The following DHCR24 variants were observed in gnomAD, a reference collection of about 807,000 sequenced individuals.
DHCR24 encodes the protein 24-dehydrocholesterol reductase, also known as delta(24)-sterol reductase.
A neutral mutation model predicts 61.2 loss-of-function variants in DHCR24; 28 were observed. That is an observed-to-expected ratio of 0.46 (90% CI 0.34 to 0.63). The LOEUF is 0.63. DHCR24 is among the 20% of genes least tolerant of loss of function. The pLI is 0.01. For synonymous variants in DHCR24, 261 were observed against 275.9 expected, an observed-to-expected ratio of 0.95 and a Z score of 0.54; for missense variants, 538 against 679.1, an observed-to-expected ratio of 0.79 and a Z score of 2.31.
intron 2 of DHCR24, among the ~76,000 whole-genome samples, chr1:54,881,602 C>G (rs941617648): frequency 1.3e-5 from 2 of 152,136 alleles, no homozygotes; most frequent in African/African-American, 4.8e-5. Context: ...GACCAAAAAA[C>G]AGAAGCAGCA....
At position 54,876,064 on chromosome 1, in the gene DHCR24, A is replaced by G. The variant is rs531392606; in HGVS notation, c.388-17T>C. The G allele has an allele frequency of 6.8e-6, 11 of 1,607,548 alleles. No homozygotes were observed. In the Admixed American group the frequency reaches 8.3e-5, roughly 12 times the overall value. ...ACGGACAATCTGTTGACACAAGAAAAGAGACCCTGGGTCAAAAGGAGGCTG... is the reference window on the plus strand; with the variant it reads ...ACGGACAATCTGTTGACACAAGAAAGGAGACCCTGGGTCAAAAGGAGGCTG... On this transcript the variant is annotated splice_polypyrimidine_tract_variant and intron_variant, in intron 2 of 8. Coordinates refer to ENST00000371269, the MANE Select transcript of DHCR24 (RefSeq NM_014762.4).
rs185736910 is a variant in DHCR24, at chr1:54,867,249, C to T, written c.877-1803G>A. Among the ~76,000 whole-genome samples the T allele has an allele frequency of 1.2e-4, 19 of 152,294 alleles. No individual in the cohort carries two copies. In the East Asian group the frequency reaches 2.7e-3, roughly 22 times the overall value. ...TCACAGGATTGCAGCAATGTTTACACGGGGCAGTGCCTGCAGAGGGCCCAT... is the reference window on the plus strand; with the variant it reads ...TCACAGGATTGCAGCAATGTTTACATGGGGCAGTGCCTGCAGAGGGCCCAT... On this transcript the variant is annotated intron_variant, in intron 5 of 8. Transcript: ENST00000371269.
chr1:54,875,231 A>G lies in DHCR24; in HGVS notation c.494-20T>C. The G allele has an allele frequency of 1.2e-6, 2 of 1,608,306 alleles. No individual in the cohort carries two copies. The highest frequency in any genetic ancestry group is 2.2e-5 in the East Asian group (1 of 44,844). ...AGCCCCCTGCAGAGACATCACACAC[A>G]GTGTCAGCAGGGAGAGCTGTGGGTA... On this transcript the variant is annotated intron_variant, in intron 3 of 8. Transcript: ENST00000371269.
intron 2 of DHCR24, among the ~76,000 whole-genome samples, chr1:54,879,315 T>C (rs1362313400): frequency 4.1e-5 from 3 of 73,676 alleles, no homozygotes; most frequent in East Asian, 4.1e-4. Flanking sequence ...AGAGCAAGAC[T>C]CCATCTGAAA....
rs566632947 is a variant in DHCR24 at position 54,865,510 on chromosome 1, C to T, written c.877-64G>A. 5.3e-5 allele frequency: 85 copies of T among 1,605,336 alleles called. 1 individual carries two copies. The African/African-American group carries it at 9.1e-4, about 17-fold the overall frequency. Reference sequence around the variant, plus strand: ...AGCGCCCAGCACCATCGGGGTGTAACAGCGACACCCGGCTTCTGTTCAGCA... The same window carrying T: ...AGCGCCCAGCACCATCGGGGTGTAATAGCGACACCCGGCTTCTGTTCAGCA... On this transcript the variant is annotated intron_variant, in intron 5 of 8. Coordinates refer to ENST00000371269, the MANE Select transcript of DHCR24 (RefSeq NM_014762.4).
rs77645556 is a variant in DHCR24, at chr1:54,863,791, A to C, written c.1020+1512T>G. ...CTACAGAATTGGAGAAAATGTTTGC[A>C]GATCATATATCTGATGAGGGTCTAG... On this transcript the variant is annotated intron_variant, in intron 6 of 8. Transcript: ENST00000371269. Among the ~76,000 whole-genome samples the C allele has an allele frequency of 1.9e-3, 294 of 152,366 alleles. 1 individual carries two copies. Among genetic ancestry groups the C allele is most frequent in the African/African-American group, 6.8e-3 (283 of 41,592 alleles).
In DHCR24 at chr1:54,871,330, C is replaced by T. The variant is rs1646997728; in HGVS notation, c.876+20G>A. 6.2e-7 allele frequency: 1 copy of T among 1,613,388 alleles called. No homozygotes were observed. The highest frequency in any genetic ancestry group is 1.3e-5 in the African/African-American group (1 of 74,936). On this transcript the variant is annotated intron_variant, in intron 5 of 8. Coordinates refer to ENST00000371269, the MANE Select transcript of DHCR24 (RefSeq NM_014762.4). ...ATGCCTCCCCAGTCTTGGTCAGCAG[C>T]AGCTGACACCCTGGCTTACCTTGCT...
intron 4 of DHCR24, among the ~76,000 whole-genome samples, chr1:54,874,136 T>C (rs1365303543): frequency 6.6e-6 from 1 of 152,250 alleles, no homozygotes; most frequent in African/African-American, 2.4e-5. Flanking sequence ...AGTAAAAATG[T>C]TATAGTAAGC....
chr1:54,879,320 C>T (rs1347357304), intron 2 of DHCR24, among the ~76,000 whole-genome samples: 1 of 33,546 alleles, frequency 3.0e-5, no homozygotes, highest in East Asian at 6.5e-4. Flanking sequence ...AAGACTCCAT[C>T]TGAAAAAAAA....
intron 6 of DHCR24, among the ~76,000 whole-genome samples, chr1:54,860,674 G>T (rs1340015933): frequency 6.6e-6 from 1 of 152,178 alleles, no homozygotes; most frequent in Non-Finnish European, 1.5e-5. Context: ...CTGGAAAAAC[G>T]TCACTTTCTT....
intron 2 of DHCR24, among the ~76,000 whole-genome samples, chr1:54,882,101 G>A (rs1647066460): frequency 6.7e-6 from 1 of 148,362 alleles, no homozygotes; most frequent in South Asian, 2.2e-4. Flanking sequence ...TAACAAACCT[G>A]TACAGGTACC....
chr1:54,853,543 C>T lies in DHCR24; in HGVS notation c.1288G>A (p.Glu430Lys), dbSNP rs1199087985. ...QPGLVHPKGNEAELYIDIGAY... is the reference protein window; with the variant it reads ...QPGLVHPKGNKAELYIDIGAY... ...CCAATGTCGATGTAGAGCTCTGCCT[C>T]ATTTCCTTTGGGGTGCACTAGGCCT... The change falls in exon 8 of 9, where the codon GAG becomes AAG. Residue 430 changes from glutamate (E) to lysine (K), a missense_variant. Transcript: ENST00000371269. 3 of 1,614,170 alleles carry T rather than the reference C, an allele frequency of 1.9e-6. No individual in the cohort carries two copies. The East Asian group carries it at 6.7e-5, about 36-fold the overall frequency.
In DHCR24 at chr1:54,869,213, G is replaced by C. The variant is rs12028406; in HGVS notation, c.876+2137C>G. ...AATAAAACGAGATACTATTTTTAACGCTATCAGATTGGCAAAAATGAAAGA... is the reference window on the plus strand; with the variant it reads ...AATAAAACGAGATACTATTTTTAACCCTATCAGATTGGCAAAAATGAAAGA... On this transcript the variant is annotated intron_variant, in intron 5 of 8. Transcript: ENST00000371269. 2.4e-4 allele frequency among the ~76,000 whole-genome samples: 37 copies of C among 152,316 alleles called. 1 individual carries two copies. Among genetic ancestry groups the C allele is most frequent in the African/African-American group, 8.7e-4 (36 of 41,570 alleles).
chr1:54,875,839 G>T, intron 3 of DHCR24, 103 bp downstream of exon 3: 1 of 888,848 alleles, frequency 1.1e-6, no homozygotes, highest in Non-Finnish European at 1.9e-6. Context: ...TGTCACAGAT[G>T]GAATAGCGGC....
chr1:54,886,661 T>C (rs1458022310), intron 1 of DHCR24: 34 of 1,504,392 alleles, frequency 2.3e-5, no homozygotes, highest in Non-Finnish European at 2.8e-5. Context: ...TTCATCTCCC[T>C]CCAGGTACCC....
intron 6 of DHCR24, among the ~76,000 whole-genome samples, chr1:54,862,248 CCT>C (rs1557432617): frequency 6.6e-6 from 1 of 152,164 alleles, no homozygotes; most frequent in Non-Finnish European, 1.5e-5. Context: ...CAGCCATCAC[CCT>C]GTTTCTCTGC....
chr1:54,886,472 TGTC>T (rs1647096813), intron 1 of DHCR24: 1 of 686,000 alleles, frequency 1.5e-6, no homozygotes, highest in Non-Finnish European at 2.2e-6. Flanking sequence ...GCCCTGCACT[TGTC>T]GGCTTCCCAG....
chr1:54,865,538 C>T, intron 5 of DHCR24, 92 bp from the exon 6 acceptor site: 2 of 1,555,828 alleles, frequency 1.3e-6, no homozygotes, highest in South Asian at 2.2e-5. Context: ...GTTCAGCACT[C>T]CTGGCCTTTT....
rs149515012 is a variant in DHCR24, at chr1:54,880,563, G to A, written c.387+3055C>T. ...GTGGATCATTTGAGGCCAGGAGTTC[G>A]AAACCAGCCTGACCAATGTGGTGAA... On this transcript the variant is annotated intron_variant, in intron 2 of 8. Transcript: ENST00000371269. 9.0e-4 allele frequency among the ~76,000 whole-genome samples: 137 copies of A among 152,114 alleles called. 3 individuals are homozygous for A. The East Asian group carries it at 0.023, about 26-fold the overall frequency.
Sources: allele counts gnomAD v4.1 joint callset (sites outside exome capture counted in the v4.1 genomes callset), GRCh38; gene constraint gnomAD v4.1.1; transcripts MANE v1.5; gene names NCBI Gene and HGNC (gene_info 2026-07-23, HGNC 2026-07-21).